Variants in MGAT4C observed in about 807,000 individuals in gnomAD.
The protein encoded by MGAT4C is alpha-1,3-mannosyl-glycoprotein 4-beta-N-acetylglucosaminyltransferase C.
In MGAT4C, 19 loss-of-function variants were observed where a neutral mutation model predicts 40.1. The ratio of observed to expected loss-of-function variants is 0.47; its 90% CI spans 0.33 to 0.70. The LOEUF (loss-of-function observed/expected upper bound fraction) is 0.70, where lower values mean the gene tolerates loss of function less well. MGAT4C is among the 30% of genes least tolerant of loss of function. The pLI is 0.02. For missense variants in MGAT4C, 491 were observed against 563.2 expected (o/e 0.87, Z 1.30); for synonymous variants, 181 against 187.1 (o/e 0.97, Z 0.27).
chr12:86,798,978 C>T (rs1301837072), intron 1 of MGAT4C, among the ~76,000 whole-genome samples: 1 of 151,800 alleles, frequency 6.6e-6, no homozygotes, highest in African/African-American at 2.4e-5. Flanking sequence ...TAGAAGGGAC[C>T]TTTGCTTAAA....
intron 4 of MGAT4C, among the ~76,000 whole-genome samples, chr12:86,316,079 CAAAA>C (rs71076185): frequency 0.067 from 2,301 of 34,112 alleles, 70 homozygotes; most frequent in East Asian, 0.27. Flanking sequence ...ATACAAGCAG[CAAAA>C]AAAAAAAAAA....
intron 3 of MGAT4C, among the ~76,000 whole-genome samples, chr12:86,343,913 C>A (rs955757779): frequency 6.6e-6 from 1 of 151,862 alleles, no homozygotes; most frequent in Non-Finnish European, 1.5e-5. Context: ...TATGAGTGCA[C>A]GCCTGCTGTT....
chr12:86,688,486 G>A (rs1950115080), intron 2 of MGAT4C, among the ~76,000 whole-genome samples: 1 of 152,084 alleles, frequency 6.6e-6, no homozygotes, highest in African/African-American at 2.4e-5. Context: ...GCTGGTACCA[G>A]TTTTTCCTTT....
At chr12:86,756,063 G>A (rs1049221568) in intron 1 of MGAT4C, among the ~76,000 whole-genome samples, 2 of 151,878 alleles carry the variant, frequency 1.3e-5, no homozygotes, top group African/African-American at 2.4e-5. Flanking sequence ...GAAAATACAT[G>A]TATTAGTCAG....
chr12:86,138,630 C>A (rs1037967387), intron 1 of MGAT4C, among the ~76,000 whole-genome samples: 1 of 145,748 alleles, frequency 6.9e-6, no homozygotes, highest in Non-Finnish European at 1.5e-5. Flanking sequence ...ATATATATTT[C>A]CATAGATATA....
intron 1 of MGAT4C, among the ~76,000 whole-genome samples, chr12:86,805,193 C>T (rs1485775722): frequency 6.6e-6 from 1 of 151,866 alleles, no homozygotes; most frequent in African/African-American, 2.4e-5. Context: ...TGGGATTGAA[C>T]AACTATTTCT....
In MGAT4C at chr12:86,269,650, C is replaced by CA. The variant is rs368277917; in HGVS notation, c.-57+64414dup. ...ATTTTTCTTCTTAGAGAAACTGCCTCAAAAATGGCAATATCTTCTTTGTGC... is the reference window on the plus strand; with the variant it reads ...ATTTTTCTTCTTAGAGAAACTGCCTCAAAAAATGGCAATATCTTCTTTGTGC... On this transcript the variant is annotated intron_variant, in intron 4 of 7. Transcript: ENST00000548651. Among the ~76,000 whole-genome samples, 639 of 151,794 alleles carry CA rather than the reference C, an allele frequency of 4.2e-3. 4 individuals are homozygous for CA. Among genetic ancestry groups the CA allele is most frequent in the African/African-American group, 0.015 (614 of 41,390 alleles).
intron 2 of MGAT4C, among the ~76,000 whole-genome samples, chr12:86,473,832 G>C (rs1055112634): frequency 6.6e-6 from 1 of 152,010 alleles, no homozygotes; most frequent in African/African-American, 2.4e-5. Flanking sequence ...GGAGAGAATC[G>C]GGCCTTTTTA....
At chr12:86,118,418 G>C (rs1878791949) in intron 1 of MGAT4C, among the ~76,000 whole-genome samples, 1 of 152,154 alleles carries the variant, frequency 6.6e-6, no homozygotes. Context: ...AAGAGCAACT[G>C]TTTCAGAAGA....
At chr12:86,139,416 T>C (rs1168537828) in intron 1 of MGAT4C, among the ~76,000 whole-genome samples, 1 of 152,114 alleles carries the variant, frequency 6.6e-6, no homozygotes, top group Admixed American at 6.6e-5. Context: ...GACTTAACTA[T>C]AAAATAATAC....
chr12:86,221,692 C>G (rs1227750718), intron 1 of MGAT4C, among the ~76,000 whole-genome samples: 3 of 152,288 alleles, frequency 2.0e-5, no homozygotes, highest in Non-Finnish European at 4.4e-5. Flanking sequence ...TGTCACTGAT[C>G]AGACCATGTC....
intron 2 of MGAT4C, among the ~76,000 whole-genome samples, chr12:86,008,039 T>C (rs1355750737): frequency 6.6e-6 from 1 of 152,032 alleles, no homozygotes; most frequent in Non-Finnish European, 1.5e-5. Context: ...TTTTTCTTTA[T>C]GTCAATATCA....
At chr12:86,162,024 G>A (rs1593111569) in intron 1 of MGAT4C, among the ~76,000 whole-genome samples, 1 of 152,090 alleles carries the variant, frequency 6.6e-6, no homozygotes, top group Non-Finnish European at 1.5e-5. Flanking sequence ...GCAGAGTAAA[G>A]GGAATACTTA....
At chr12:86,678,004 C>CT (rs143587352) in intron 2 of MGAT4C, among the ~76,000 whole-genome samples, 19,688 of 152,074 alleles carry the variant, frequency 0.13, 1,966 homozygotes, top group African/African-American at 0.28. Context: ...AGTCCCATGG[C>CT]TTAAACACCA....
intron 2 of MGAT4C, among the ~76,000 whole-genome samples, chr12:86,545,699 A>G (rs1283917536): frequency 6.6e-6 from 1 of 151,948 alleles, no homozygotes; most frequent in East Asian, 1.9e-4. Context: ...AATATTTGAA[A>G]GTATAAATAG....
intron 2 of MGAT4C, among the ~76,000 whole-genome samples, chr12:86,453,857 C>G (rs188314422): frequency 1.3e-5 from 2 of 152,100 alleles, no homozygotes; most frequent in East Asian, 3.9e-4. Flanking sequence ...GTATATGCAG[C>G]TTTTAAGCTA....
intron 1 of MGAT4C, among the ~76,000 whole-genome samples, chr12:86,212,724 T>TA (rs63517761): frequency 0.68 from 73,566 of 107,416 alleles, 25,349 homozygotes; most frequent in South Asian, 0.74. Context: ...CCGTCTCTAC[T>TA]AAAAAAAAAA....
chr12:86,649,100 T>A (rs746595359), intron 2 of MGAT4C, among the ~76,000 whole-genome samples: 6 of 151,816 alleles, frequency 4.0e-5, no homozygotes, highest in Non-Finnish European at 7.4e-5. Context: ...AATAGGTGAT[T>A]TTTTCCAGAT....
chr12:86,276,049 C>T (rs1468017895), intron 4 of MGAT4C, among the ~76,000 whole-genome samples: 12 of 145,740 alleles, frequency 8.2e-5, no homozygotes, highest in African/African-American at 3.1e-4. Context: ...TCCCGGGAGG[C>T]GGAGCTTGCA....
Sources: allele counts gnomAD v4.1 joint callset (sites outside exome capture counted in the v4.1 genomes callset), GRCh38; gene constraint gnomAD v4.1.1; transcripts MANE v1.5; gene names NCBI Gene and HGNC (gene_info 2026-07-23, HGNC 2026-07-21).